Variants in DDX54 observed in about 807,000 individuals in gnomAD.
The protein encoded by DDX54 is ATP-dependent RNA helicase DDX54.
Under a neutral mutation model 105.5 loss-of-function variants are expected in DDX54, and 67 were observed. The ratio of observed to expected loss-of-function variants is 0.64; its 90% confidence interval spans 0.52 to 0.78. The LOEUF (loss-of-function observed/expected upper bound fraction) is 0.78. Among genes scored for constraint, DDX54 ranks in the 30% least tolerant of loss-of-function variants. The probability of loss-of-function intolerance (pLI) is 0.00; values close to 1 mark genes in which losing one functional copy is unlikely to be tolerated. For synonymous variants in DDX54, 514 were observed against 509.9 expected, an observed-to-expected ratio of 1.01 and a Z score of -0.11; for missense variants, 1,206 against 1,230.5, an observed-to-expected ratio of 0.98 and a Z score of 0.30.
chr12:113,158,779 G>T lies in DDX54; in HGVS notation c.*98C>A. On this transcript the variant is annotated 3_prime_UTR_variant, in exon 20 of 20. Coordinates refer to ENST00000306014, the MANE Select transcript of DDX54 (RefSeq NM_024072.4). This position sits in a 1 kb window ranked among gnomAD's most constrained non-coding sequence, Gnocchi z 4.9. ...ATGGCTCCTGCAGGGAGTGCCCCCA[G>T]TGCCCAGCACAGGGCCAGGCACACA... The T allele has an allele frequency of 3.0e-6, 4 of 1,342,800 alleles. No individual in the cohort carries two copies. Among genetic ancestry groups the T allele is most frequent in the Non-Finnish European group, 3.0e-6 (3 of 994,860 alleles). The allele number at this position is 1,342,800 out of a possible 1,614,324, so 83.2% of individuals were successfully genotyped here. A position where few individuals can be genotyped will look rare whatever the true frequency, so the allele number is the denominator to read the frequency against.
Position 113,164,319 on chromosome 12 carries a change from G to A in DDX54, c.1720-34C>T, listed in dbSNP as rs1172070417. On this transcript the variant is annotated intron_variant, in intron 14 of 19. Coordinates refer to ENST00000306014, the MANE Select transcript of DDX54 (RefSeq NM_024072.4). ...GGGACACCCAGTCCTTTGCCCACTG[G>A]CCTCCTACTCCTAACCCCACCCTTA... The A allele has an allele frequency of 7.1e-6, 11 of 1,545,144 alleles. No individual in the cohort carries two copies. The Admixed American group carries it at 2.1e-4, about 29-fold the overall frequency.
chr12:113,164,048 C>T lies in DDX54; in HGVS notation c.1938+19G>A, dbSNP rs1282279075. The T allele has an allele frequency of 7.2e-6, 11 of 1,535,602 alleles. No individual in the cohort carries two copies. Among genetic ancestry groups the T allele is most frequent in the Non-Finnish European group, 8.8e-6 (10 of 1,136,038 alleles). ...TTCCCCATACCCCAGGTCCAGGGTCCCCAGGGTGGAACCTGTACCTCCACA... is the reference window on the plus strand; with the variant it reads ...TTCCCCATACCCCAGGTCCAGGGTCTCCAGGGTGGAACCTGTACCTCCACA... On this transcript the variant is annotated intron_variant, in intron 15 of 19. Transcript: ENST00000306014.
chr12:113,159,145 G>C, intron 19 of DDX54, 36 bp from the exon 20 acceptor site: 1 of 1,547,058 alleles, frequency 6.5e-7, no homozygotes, highest in Non-Finnish European at 8.7e-7. Context: ...TCAGCTGTTG[G>C]GATCACTCCC....
rs372327137 is a variant in DDX54, at chr12:113,159,040, T to C, written c.2483A>G (p.Gln828Arg). Residue 828 changes from glutamine to arginine, a missense_variant, in exon 20 of 20, where the codon CAG (glutamine) becomes CGG (arginine). By Grantham distance (43) the Gln-to-Arg change is conservative. Coordinates refer to ENST00000306014, the MANE Select transcript of DDX54 (RefSeq NM_024072.4). ...RVRPELKTKQ[Q>R]ILKQRRRAQK... The stretch of plus-strand genomic sequence containing the variant: ...GGCCCGGCGCCGCTGCTTCAGGATC[T>C]GCTGCTTGGTCTTGAGTTCCGGGCG... 2 of 1,611,366 alleles carry C rather than the reference T, an allele frequency of 1.2e-6. No homozygotes were observed. The highest frequency in any genetic ancestry group is 2.7e-5 in the African/African-American group (2 of 74,930).
chr12:113,172,194 C>T (rs770980283), intron 11 of DDX54, among the ~76,000 whole-genome samples, 159 bp downstream of exon 11: 1 of 151,918 alleles, frequency 6.6e-6, no homozygotes, highest in Non-Finnish European at 1.5e-5. Flanking sequence ...GGCACGATCG[C>T]GAGTTTGAGA....
rs538901677 is a variant in DDX54 at position 113,171,202 on chromosome 12, T to TA, written c.1279+1150dup. On this transcript the variant is annotated intron_variant, in intron 11 of 19. Coordinates refer to ENST00000306014, the MANE Select transcript of DDX54 (RefSeq NM_024072.4). ...GGAAGTGCACCCACCACATGACACTTATGAATTAAAAGAAGGCAAAGAAAG... is the reference window on the plus strand; with the variant it reads ...GGAAGTGCACCCACCACATGACACTTAATGAATTAAAAGAAGGCAAAGAAAG... 1.8e-3 allele frequency among the ~76,000 whole-genome samples: 275 copies of TA among 152,214 alleles called. 1 individual carries two copies. The highest frequency in any genetic ancestry group is 6.8e-3 in the Middle Eastern group (2 of 294).
chr12:113,174,481 C>T (rs930511161), intron 10 of DDX54, among the ~76,000 whole-genome samples, 159 bp downstream of exon 10: 2 of 152,034 alleles, frequency 1.3e-5, no homozygotes, highest in African/African-American at 4.8e-5. Flanking sequence ...AGCGAGGCTC[C>T]GTCTCAAAAA....
intron 12 of DDX54, among the ~76,000 whole-genome samples, chr12:113,166,828 A>G (rs567849469): frequency 2.6e-5 from 4 of 152,342 alleles, no homozygotes; most frequent in Non-Finnish European, 4.4e-5. Context: ...GCGAGGTTCA[A>G]TTACTACCAG....
rs763023498 is a variant in DDX54 at position 113,157,641 on chromosome 12, G to A, written c.*1236C>T. The stretch of plus-strand genomic sequence containing the variant: ...GCAGGACCTCTCTGCCATGCTGGCC[G>A]GCCTGGGTCAGGCTGAGCCTGCAGC... On this transcript the variant is annotated 3_prime_UTR_variant, in exon 20 of 20. Transcript: ENST00000306014. 275 of 1,551,514 alleles carry A rather than the reference G, an allele frequency of 1.8e-4. No individual in the cohort carries two copies. The highest frequency in any genetic ancestry group is 2.0e-4 in the Non-Finnish European group (225 of 1,147,006).
chr12:113,159,178 T>C (rs1200149922), intron 19 of DDX54, 69 bp from the exon 20 acceptor site: 2 of 1,475,366 alleles, frequency 1.4e-6, no homozygotes. Flanking sequence ...TCCCAGAAGC[T>C]TGCAGACTCC....
chr12:113,164,424 C>A, intron 14 of DDX54, 139 bp from the exon 15 acceptor site: 1 of 1,083,762 alleles, frequency 9.2e-7, no homozygotes, highest in East Asian at 2.6e-5. Context: ...ATTAGATAGA[C>A]AGACCCAGAC....
At chr12:113,162,827 A>C in intron 17 of DDX54, 105 bp downstream of exon 17, 2 of 1,094,774 alleles carry the variant, frequency 1.8e-6, no homozygotes, top group Non-Finnish European at 2.5e-6. Flanking sequence ...CACCCCGGGC[A>C]TGGAGGGAGG....
chr12:113,175,673 C>T (rs1191628795), intron 7 of DDX54, among the ~76,000 whole-genome samples: 1 of 152,030 alleles, frequency 6.6e-6, no homozygotes, highest in Non-Finnish European at 1.5e-5. Context: ...CCTGTAGTCC[C>T]AGCTACTCGA....
intron 12 of DDX54, among the ~76,000 whole-genome samples, chr12:113,169,499 T>C (rs1479962555): frequency 6.6e-6 from 1 of 151,368 alleles, no homozygotes; most frequent in Non-Finnish European, 1.5e-5. Flanking sequence ...CGGGCATCTA[T>C]AGTCCCAGCT....
At chr12:113,183,752 C>G (rs540883273) in intron 1 of DDX54, 1 of 151,706 alleles carries the variant, frequency 6.6e-6, no homozygotes, top group Non-Finnish European at 1.5e-5. Flanking sequence ...AAGCTGCTTT[C>G]TCTCTTTTTT....
chr12:113,157,949 A>G lies in DDX54; in HGVS notation c.*928T>C, dbSNP rs1342291802. On this transcript the variant is annotated 3_prime_UTR_variant, in exon 20 of 20. Transcript: ENST00000306014. ...ACTGCCTCTAAAATGAGATCAGACC[A>G]GGCCCTCCCTGCCAGGGTGGTTGGG... 3.9e-6 allele frequency: 2 copies of G among 511,206 alleles called. No individual in the cohort carries two copies. The highest frequency in any genetic ancestry group is 7.0e-6 in the Non-Finnish European group (2 of 284,080). The allele number at this position is 511,206 out of a possible 1,614,324, so 31.7% of individuals were successfully genotyped here. A position where few individuals can be genotyped will look rare whatever the true frequency, so the allele number is the denominator to read the frequency against.
At position 113,158,131 on chromosome 12, in the gene DDX54, G is replaced by C. The variant is rs1952157059; in HGVS notation, c.*746C>G. On this transcript the variant is annotated 3_prime_UTR_variant, in exon 20 of 20. Transcript: ENST00000306014. This position sits in a 1 kb window ranked among gnomAD's most constrained non-coding sequence, Gnocchi z 4.9. ...TTGACCTTCTCAGAACCTCAAACAG[G>C]GGGTGGGTGGCAAGAAGACAGAGGA... 1 of 170,106 alleles carries C rather than the reference G, an allele frequency of 5.9e-6. No individual in the cohort carries two copies. Among genetic ancestry groups the C allele is most frequent in the Non-Finnish European group, 1.3e-5 (1 of 78,320 alleles). 10.5% of individuals were successfully genotyped at this position (170,106 alleles called of 1,614,324 possible). A position where few individuals can be genotyped will look rare whatever the true frequency, so the allele number is the denominator to read the frequency against.
chr12:113,159,307 G>A (rs984969408), intron 19 of DDX54, 198 bp from the exon 20 acceptor site: 17 of 587,596 alleles, frequency 2.9e-5, no homozygotes, highest in African/African-American at 5.6e-5. Context: ...GGCCAGAACC[G>A]CTGGGGTTCA....
At chr12:113,183,589 G>A (rs1952489871) in intron 1 of DDX54, 1 of 152,272 alleles carries the variant, frequency 6.6e-6, no homozygotes, top group African/African-American at 2.4e-5. Context: ...GGAAATAATG[G>A]GCGCAGCCCT....
Sources: allele counts gnomAD v4.1 joint callset (sites outside exome capture counted in the v4.1 genomes callset), GRCh38; gene constraint gnomAD v4.1.1; non-coding constraint Gnocchi (gnomAD v3.1); transcripts MANE v1.5; gene names NCBI Gene and HGNC (gene_info 2026-07-23, HGNC 2026-07-21).